ARHGEF1: variants seen among roughly 807,000 people sequenced by gnomAD.
The protein encoded by ARHGEF1 is Rho guanine nucleotide exchange factor 1.
ARHGEF1 carries 40 observed loss-of-function variants against 119.7 expected under a neutral mutation model. The ratio of observed to expected loss-of-function variants is 0.33; its 90% confidence interval spans 0.26 to 0.44. The LOEUF (loss-of-function observed/expected upper bound fraction) is 0.44. Ranked by LOEUF, ARHGEF1 falls within the 20% of genes least tolerant of loss-of-function variation. The pLI is 1.00. For synonymous variants in ARHGEF1, 494 were observed against 521.0 expected (o/e 0.95, Z 0.71); for missense variants, 976 against 1,268.3 (o/e 0.77, Z 3.50).
Position 41,904,498 on chromosome 19 carries a change from AGGTT to A in ARHGEF1, c.2161+117_2161+120del. ...CCAGGGAGCCAGCATTCTAGCAAAGAGGTTGAGAAGTAGGTGGAGGTGGGCAGGG... is the reference window on the plus strand; with the variant it reads ...CCAGGGAGCCAGCATTCTAGCAAAGAGAGAAGTAGGTGGAGGTGGGCAGGG... On this transcript the variant is annotated intron_variant, in intron 22 of 28. Transcript: ENST00000354532. The surrounding 1 kb of genome is among the most constrained non-coding windows in gnomAD (Gnocchi z 8.4). The A allele has an allele frequency of 7.7e-7, 1 of 1,291,952 alleles. No individual in the cohort carries two copies. Among genetic ancestry groups the A allele is most frequent in the Non-Finnish European group, 1.0e-6 (1 of 964,948 alleles). 80.0% of individuals were successfully genotyped at this position (1,291,952 alleles called of 1,614,324 possible).
At position 41,902,816 on chromosome 19, in the gene ARHGEF1, G is replaced by A; in HGVS notation, c.1656G>A (p.Leu552=). The change falls in exon 18 of 29, where the codon CTG becomes CTA. Residue 552 remains leucine, a synonymous_variant. Coordinates refer to ENST00000354532, the MANE Select transcript of ARHGEF1 (RefSeq NM_004706.4). This position sits in a 1 kb window ranked among gnomAD's most constrained non-coding sequence, Gnocchi z 6.5. ...EAESRPRCRR[L]QLKDMIPTEM... ...AGAGCCGCCCGCGGTGCCGCCGCCT[G>A]CAGCTGAAGGACATGATCCCCACGG... The A allele has an allele frequency of 6.2e-7, 1 of 1,613,194 alleles. No individual in the cohort carries two copies. The highest frequency in any genetic ancestry group is 8.5e-7 in the Non-Finnish European group (1 of 1,180,008).
chr19:41,909,863 C>T (rs1181193506), downstream of ARHGEF1: 6 of 1,607,510 alleles, frequency 3.7e-6, no homozygotes, highest in African/African-American at 2.7e-5. This position sits in a 1 kb window ranked among gnomAD's most constrained non-coding sequence, Gnocchi z 5.2. Context: ...CCTTCCTCAC[C>T]GCAGGGCCCG....
chr19:41,892,792 A>G lies in ARHGEF1; in HGVS notation c.557A>G (p.Tyr186Cys). The change falls in exon 7 of 29, where the codon TAC becomes TGC. Residue 186 changes from tyrosine to cysteine, a missense_variant. Transcript: ENST00000354532. The surrounding 1 kb of genome is among the most constrained non-coding windows in gnomAD (Gnocchi z 6.3). Reference sequence around the variant, plus strand: ...TGGGTTGGGCGGGACCGAGCCAGCTACGAGGCCCGGGAGCGGCACGTGGCG... The same window carrying G: ...TGGGTTGGGCGGGACCGAGCCAGCTGCGAGGCCCGGGAGCGGCACGTGGCG... ...EAWVGRDRAS[Y>C]EARERHVAER... is the part of the protein sequence containing the mutation. 2 of 1,598,614 alleles carry G rather than the reference A, an allele frequency of 1.3e-6. No individual in the cohort carries two copies. Among genetic ancestry groups the G allele is most frequent in the Non-Finnish European group, 1.7e-6 (2 of 1,175,036 alleles).
intron 1 of ARHGEF1, among the ~76,000 whole-genome samples, chr19:41,925,144 T>C (rs1407327629): frequency 1.3e-5 from 2 of 151,812 alleles, no homozygotes; most frequent in African/African-American, 4.8e-5. Context: ...AGAGATTAAG[T>C]GGGGGTATGC....
rs1555850455 is a variant in ARHGEF1, at chr19:41,907,142, T to C, written c.*55T>C. 4 of 1,531,598 alleles carry C rather than the reference T, an allele frequency of 2.6e-6. No homozygotes were observed. The highest frequency in any genetic ancestry group is 3.5e-6 in the Non-Finnish European group (4 of 1,144,912). 94.9% of individuals were successfully genotyped at this position (1,531,598 alleles called of 1,614,324 possible). On this transcript the variant is annotated 3_prime_UTR_variant, in exon 29 of 29. Transcript: ENST00000354532. ...AAGGAGAGGAATGGGGGAGAGGACG[T>C]GAGGGACCACCCCCACCCACACAGC...
At position 41,895,496 on chromosome 19, in the gene ARHGEF1, T is replaced by A. The variant is rs199909221; in HGVS notation, c.1015+10T>A. 9 of 1,587,538 alleles carry A rather than the reference T, an allele frequency of 5.7e-6. No individual in the cohort carries two copies. The Admixed American group carries it at 1.4e-4, about 24-fold the overall frequency. ...CCAGACCGGGAACCAGGTGAGAGTT[T>A]CCTGGGCCAGGGCTCCATGAGGCCC... On this transcript the variant is annotated intron_variant, in intron 12 of 28. Coordinates refer to ENST00000354532, the MANE Select transcript of ARHGEF1 (RefSeq NM_004706.4).
intron 1 of ARHGEF1, among the ~76,000 whole-genome samples, chr19:41,926,982 AAGAGAG>A (rs1336052912): frequency 4.6e-5 from 7 of 151,676 alleles, no homozygotes; most frequent in African/African-American, 1.7e-4. Context: ...CCGAGAAAGG[AAGAGAG>A]AGAGATAGAT....
In ARHGEF1 at chr19:41,883,295, C is replaced by T; in HGVS notation, c.-20+6C>T. 1.1e-5 allele frequency: 2 copies of T among 175,354 alleles called. No homozygotes were observed. Among genetic ancestry groups the T allele is most frequent in the South Asian group, 7.0e-5 (1 of 14,356 alleles). 10.9% of individuals were successfully genotyped at this position (175,354 alleles called of 1,614,324 possible). On this transcript the variant is annotated splice_donor_region_variant and intron_variant, in intron 1 of 28. Coordinates refer to ENST00000354532, the MANE Select transcript of ARHGEF1 (RefSeq NM_004706.4). This position sits in a 1 kb window ranked among gnomAD's most constrained non-coding sequence, Gnocchi z 7.6. ...CACCTCCGCGCGGACACCAGGTACT[C>T]GGTCCCCGGCCCCGCCCGGCCTCCT...
rs1385188763 is a variant in ARHGEF1, at chr19:41,894,547, G to A, written c.841G>A (p.Val281Ile). The A allele has an allele frequency of 1.2e-6, 2 of 1,613,498 alleles. No individual in the cohort carries two copies. The highest frequency in any genetic ancestry group is 1.7e-6 in the Non-Finnish European group (2 of 1,179,692). Residue 281 changes from valine (V) to isoleucine (I), a missense_variant and splice_region_variant, in exon 10 of 29, where the codon GTT becomes ATT. This residue lies in a region of ARHGEF1 where 519 missense variants were observed against 580.9 expected (regional missense o/e 0.89). Transcript: ENST00000354532. ...CCGCTGGAACCGGGGAGAGCCCCAGGGTAAGGCGGCTCTGGCCTCTGCCCT... is the reference window on the plus strand; with the variant it reads ...CCGCTGGAACCGGGGAGAGCCCCAGAGTAAGGCGGCTCTGGCCTCTGCCCT... ...AARWNRGEPQVPDFRHLKAEV... is the reference protein window; with the variant it reads ...AARWNRGEPQIPDFRHLKAEV...
upstream of ARHGEF1, among the ~76,000 whole-genome samples, chr19:41,918,905 CACAT>C (rs782420559): frequency 1.3e-5 from 2 of 151,314 alleles, no homozygotes; most frequent in Admixed American, 1.3e-4. Flanking sequence ...ACCCATTACA[CACAT>C]ACACCACACA....
chr19:41,892,695 C>G lies in ARHGEF1; in HGVS notation c.460C>G (p.Leu154Val), dbSNP rs782649144. 1.2e-6 allele frequency: 2 copies of G among 1,613,720 alleles called. No homozygotes were observed. Among genetic ancestry groups the G allele is most frequent in the South Asian group, 1.1e-5 (1 of 91,010 alleles). Residue 154 changes from leucine (L) to valine (V), a missense_variant, in exon 7 of 29, where the codon CTG (leucine) becomes GTG (valine). Physicochemically the swap from Leu to Val is conservative, Grantham distance 32. This residue lies in a region of ARHGEF1 where 519 missense variants were observed against 580.9 expected (regional missense o/e 0.89). Transcript: ENST00000354532. The surrounding 1 kb of genome is among the most constrained non-coding windows in gnomAD (Gnocchi z 6.3). ...QSQQVAVGRQ[L>V]EDFRSKRLMG... Reference sequence around the variant, plus strand: ...CCAGCAGGTAGCCGTGGGCCGGCAGCTGGAGGACTTCCGTTCCAAGCGGCT... The same window carrying G: ...CCAGCAGGTAGCCGTGGGCCGGCAGGTGGAGGACTTCCGTTCCAAGCGGCT...
intron 7 of ARHGEF1, 166 bp from the exon 8 acceptor site, chr19:41,893,108 A>C (rs113284840): frequency 6.1e-6 from 6 of 988,134 alleles, no homozygotes; most frequent in Admixed American, 5.8e-5. Context: ...TGGATGAGAG[A>C]CCTCCCTCCC....
chr19:41,914,793 C>G (rs1226930449), intron 18 of ARHGEF1, among the ~76,000 whole-genome samples: 3 of 46,568 alleles, frequency 6.4e-5, no homozygotes, highest in Non-Finnish European at 9.5e-5. Flanking sequence ...CTTCCACCGT[C>G]TCTGTCTCTC....
In ARHGEF1 at chr19:41,892,767, T is replaced by C. The variant is rs1555846542; in HGVS notation, c.532T>C (p.Trp178Arg). The change falls in exon 7 of 29, where the codon TGG (tryptophan) becomes CGG (arginine). Residue 178 changes from tryptophan (W) to arginine (R), a missense_variant. Trp to Arg is a moderately radical substitution (Grantham distance 101). Transcript: ENST00000354532. This position sits in a 1 kb window ranked among gnomAD's most constrained non-coding sequence, Gnocchi z 6.3. ...GCAGGAGCTGGCCCAGCTGGAGGCT[T>C]GGGTTGGGCGGGACCGAGCCAGCTA... Reference protein sequence around the residue: ...WEQELAQLEAWVGRDRASYEA... With the variant: ...WEQELAQLEARVGRDRASYEA... The C allele has an allele frequency of 6.2e-7, 1 of 1,607,204 alleles. No homozygotes were observed. Among genetic ancestry groups the C allele is most frequent in the Admixed American group, 1.7e-5 (1 of 59,868 alleles).
At chr19:41,908,191 G>A, downstream of ARHGEF1, 1 of 1,229,892 alleles carries the variant, frequency 8.1e-7, no homozygotes, top group Non-Finnish European at 1.0e-6. The surrounding 1 kb of genome is among the most constrained non-coding windows in gnomAD (Gnocchi z 6.7). Flanking sequence ...AGCCACCCTG[G>A]TCCCTGCCTC....
At chr19:41,912,024 A>C (rs76799081), downstream of ARHGEF1, among the ~76,000 whole-genome samples, 4,410 of 151,664 alleles carry the variant, frequency 0.029, 217 homozygotes, top group African/African-American at 0.1. Context: ...ACGCCACACA[A>C]CCCGAGACAG....
intron 13 of ARHGEF1, chr19:41,896,913 C>T: frequency 2.9e-6 from 1 of 346,480 alleles, no homozygotes; most frequent in South Asian, 2.0e-5. Context: ...TCTCTTCTCT[C>T]ACCTCCCTCT....
chr19:41,925,218 C>T (rs373877860), intron 1 of ARHGEF1, among the ~76,000 whole-genome samples: 2 of 152,018 alleles, frequency 1.3e-5, no homozygotes, highest in East Asian at 3.8e-4. Flanking sequence ...GTTACCAGGG[C>T]AGAGGATTCC....
At chr19:41,914,206 A>G (rs1383598837) in intron 18 of ARHGEF1, among the ~76,000 whole-genome samples, 1 of 104,938 alleles carries the variant, frequency 9.5e-6, no homozygotes, top group Non-Finnish European at 2.0e-5. Context: ...CCCCTGTCCC[A>G]GGCCCCCTCT....
Sources: gnomAD v4.1 joint callset for allele counts (sites outside exome capture counted in the v4.1 genomes callset) on GRCh38, gnomAD v4.1.1 for gene constraint, gnomAD v4.1.1 regional missense constraint, Gnocchi (gnomAD v3.1) non-coding constraint, MANE v1.5 for transcripts, NCBI Gene and HGNC (gene_info 2026-07-23, HGNC 2026-07-21) for gene names.